The following TMEM165 variants were observed in gnomAD, a reference collection of about 807,000 sequenced individuals.
TMEM165 encodes the protein putative divalent cation/proton antiporter TMEM165.
In TMEM165, 19 loss-of-function variants were observed where a neutral mutation model predicts 30.0. The observed-to-expected ratio is 0.63, with a 90% confidence interval of 0.44 to 0.93. TMEM165 has a LOEUF of 0.93. Ranked by LOEUF, TMEM165 falls within the 40% of genes least tolerant of loss-of-function variation. The pLI, the probability that TMEM165 is intolerant of heterozygous loss-of-function variation, is 0.00. For synonymous variants in TMEM165, 168 were observed against 162.9 expected (o/e 1.03, Z -0.24); for missense variants, 340 against 417.0 (o/e 0.82, Z 1.61).
chr4:55,420,827 A>G (rs1162536197), intron 4 of TMEM165, among the ~76,000 whole-genome samples: 1 of 151,110 alleles, frequency 6.6e-6, no homozygotes, highest in Non-Finnish European at 1.5e-5. Flanking sequence ...GTTCTAGGCC[A>G]AAAAAGGGTG....
At chr4:55,446,333 C>G (rs1421763760) in intron 3 of TMEM165, among the ~76,000 whole-genome samples, 2 of 151,984 alleles carry the variant, frequency 1.3e-5, no homozygotes, top group African/African-American at 4.8e-5. Context: ...AGGCAATCCT[C>G]CCACAAGCCA....
In TMEM165 at chr4:55,425,465, T is replaced by A; in HGVS notation, c.*13T>A. On this transcript the variant is annotated 3_prime_UTR_variant, in exon 6 of 6. Coordinates refer to ENST00000381334, the MANE Select transcript of TMEM165 (RefSeq NM_018475.5). ...TTCTGGTTTTTAACAAGCTGTTTGT[T>A]CATCTATATTTAGTTTAAAATAGGT... is the stretch of plus-strand genomic sequence containing the variant. The A allele has an allele frequency of 6.3e-7, 1 of 1,595,848 alleles. No homozygotes were observed. The highest frequency in any genetic ancestry group is 1.3e-5 in the African/African-American group (1 of 74,606).
downstream of TMEM165, chr4:55,430,510 G>A (rs1722427886): frequency 6.6e-6 from 1 of 152,106 alleles, no homozygotes. Context: ...GAATAACTGT[G>A]CCAACAAAAT....
chr4:55,412,701 C>G (rs556795522), intron 2 of TMEM165: 1 of 152,050 alleles, frequency 6.6e-6, no homozygotes, highest in East Asian at 1.9e-4. Flanking sequence ...TTTCTTTCTT[C>G]CTTGTCCACC....
chr4:55,417,954 A>C lies in TMEM165; in HGVS notation c.761A>C (p.Gln254Pro). ...TTAGCAGAATGGGGTGATCGCTCTC[A>C]ACTAACTACAATTGTATTGGCAGCT... ...TFLAEWGDRS[Q>P]LTTIVLAARE... The change falls in exon 4 of 6, where the codon CAA (glutamine) becomes CCA (proline). Residue 254 changes from glutamine to proline, a missense_variant. Physicochemically the swap from Gln to Pro is moderately conservative, Grantham distance 76. Transcript: ENST00000381334. 1 of 1,612,268 alleles carries C rather than the reference A, an allele frequency of 6.2e-7. No homozygotes were observed. Among genetic ancestry groups the C allele is most frequent in the Non-Finnish European group, 8.5e-7 (1 of 1,179,572 alleles).
downstream of TMEM165, chr4:55,429,737 A>G (rs1722385587): frequency 6.6e-6 from 1 of 152,242 alleles, no homozygotes; most frequent in Admixed American, 6.5e-5. Flanking sequence ...TAATCACACA[A>G]AAAGTGCCCA....
intron 3 of TMEM165, among the ~76,000 whole-genome samples, chr4:55,450,800 C>G (rs952389691): frequency 2.6e-5 from 4 of 151,570 alleles, no homozygotes; most frequent in African/African-American, 9.7e-5. Context: ...CAAAATGAAT[C>G]ACAGACCTAA....
At chr4:55,407,615 G>A (rs958726647) in intron 1 of TMEM165, among the ~76,000 whole-genome samples, 9 of 152,086 alleles carry the variant, frequency 5.9e-5, no homozygotes, top group Admixed American at 6.6e-5. Flanking sequence ...TTTTTTGTTA[G>A]ACTCTGCTCT....
At chr4:55,416,833 GC>G in intron 2 of TMEM165, 1 of 352,130 alleles carries the variant, frequency 2.8e-6, no homozygotes, top group African/African-American at 2.1e-5. Flanking sequence ...AGGAAGATGT[GC>G]CATCTTCAAC....
At chr4:55,429,432 AATATTCCAAC>A (rs1172188044), downstream of TMEM165, 1 of 152,148 alleles carries the variant, frequency 6.6e-6, no homozygotes, top group Non-Finnish European at 1.5e-5. Context: ...CTAGGTTTCC[AATATTCCAAC>A]ACTGCTTTAC....
Position 55,396,254 on chromosome 4 carries a change from T to G in TMEM165, c.65T>G (p.Val22Gly). The G allele has an allele frequency of 6.6e-7, 1 of 1,513,490 alleles. No homozygotes were observed. Among genetic ancestry groups the G allele is most frequent in the Non-Finnish European group, 8.8e-7 (1 of 1,137,668 alleles). The allele number at this position is 1,513,490 out of a possible 1,614,324, so 93.8% of individuals were successfully genotyped here. ...CCCCGGCTGCTTCTGCTCTTTCTGG[T>G]TCCGCTGCTGTGGGCCCCGGCTGCG... is the stretch of plus-strand genomic sequence containing the variant. ...SAPRLLLLFL[V>G]PLLWAPAAVR... Residue 22 changes from valine to glycine, a missense_variant, in exon 1 of 6, where the codon GTT becomes GGT. Physicochemically the swap from Val to Gly is moderately radical, Grantham distance 109 (BLOSUM62 -3). This residue lies in a region of TMEM165 where 120 missense variants were observed against 109.4 expected (regional missense o/e 1.10). Transcript: ENST00000381334.
intron 4 of TMEM165, among the ~76,000 whole-genome samples, chr4:55,421,305 T>C (rs1389740602): frequency 7.0e-6 from 1 of 142,956 alleles, no homozygotes; most frequent in African/African-American, 2.6e-5. Flanking sequence ...TTCTTTTTTT[T>C]TTTTTTTTTT....
chr4:55,418,099 T>A (rs935452610), intron 4 of TMEM165, 114 bp downstream of exon 4: 15 of 983,748 alleles, frequency 1.5e-5, no homozygotes, highest in Admixed American at 3.0e-5. Flanking sequence ...TATGCAAGAC[T>A]GTTTTACATC....
At chr4:55,407,194 G>GA (rs201937824) in intron 1 of TMEM165, among the ~76,000 whole-genome samples, 2,788 of 152,220 alleles carry the variant, frequency 0.018, 53 homozygotes, top group Non-Finnish European at 0.027. Flanking sequence ...GGACCTTGAG[G>GA]AATCTGGATG....
intron 3 of TMEM165, chr4:55,433,849 T>C (rs1301803783): frequency 6.6e-6 from 1 of 152,206 alleles, no homozygotes; most frequent in African/African-American, 2.4e-5. Flanking sequence ...TATTCTAATG[T>C]TGTAGTGAAG....
downstream of TMEM165, chr4:55,428,667 G>GT (rs1273786636): frequency 2.0e-5 from 3 of 152,070 alleles, no homozygotes; most frequent in Admixed American, 6.5e-5. Context: ...GAACCAAGCA[G>GT]TAAGGACAGC....
At chr4:55,415,995 A>G (rs914958992) in intron 2 of TMEM165, 1 of 151,816 alleles carries the variant, frequency 6.6e-6, no homozygotes, top group African/African-American at 2.4e-5. Context: ...GGCTGGGACC[A>G]AGGCGTGTGT....
At chr4:55,432,825 A>G (rs1205170656) in intron 3 of TMEM165, 3 of 151,506 alleles carry the variant, frequency 2.0e-5, no homozygotes, top group African/African-American at 7.4e-5. Flanking sequence ...TAAGAATCAT[A>G]AAGGAAAATT....
intron 3 of TMEM165, chr4:55,438,590 C>G (rs1442344104): frequency 1.2e-6 from 2 of 1,610,862 alleles, no homozygotes; most frequent in African/African-American, 2.7e-5. Flanking sequence ...AGGTATACAT[C>G]ATAAAACGCA....
Sources: allele counts gnomAD v4.1 joint callset (sites outside exome capture counted in the v4.1 genomes callset), GRCh38; gene constraint gnomAD v4.1.1; regional missense constraint gnomAD v4.1.1; transcripts MANE v1.5; gene names NCBI Gene and HGNC (gene_info 2026-07-23, HGNC 2026-07-21).